Variants in GLIS1 observed in about 807,000 individuals in gnomAD.
GLIS1 encodes zinc finger protein GLIS1.
A neutral mutation model predicts 63.8 loss-of-function variants in GLIS1; 24 were observed. That is an observed-to-expected ratio of 0.38 (90% CI 0.27 to 0.53). The LOEUF is 0.53. Ranked by LOEUF, GLIS1 falls within the 20% of genes least tolerant of loss-of-function variation. The pLI is 0.85. For synonymous variants in GLIS1, 450 were observed against 482.5 expected (o/e 0.93, Z 0.88); for missense variants, 1,036 against 1,074.1 (o/e 0.96, Z 0.50).
At chr1:53,720,102 G>C (rs1646738718) in intron 2 of GLIS1, among the ~76,000 whole-genome samples, 1 of 152,214 alleles carries the variant, frequency 6.6e-6, no homozygotes, top group Non-Finnish European at 1.5e-5. Context: ...CTTGAATCCA[G>C]GAACCAGAGG....
At chr1:53,735,555 T>G (rs1646904384) in intron 2 of GLIS1, among the ~76,000 whole-genome samples, 1 of 152,218 alleles carries the variant, frequency 6.6e-6, no homozygotes, top group African/African-American at 2.4e-5. Context: ...GAATTAAGTC[T>G]CAGGGTAAAT....
intron 2 of GLIS1, among the ~76,000 whole-genome samples, chr1:53,695,317 G>C (rs1292803828): frequency 6.6e-6 from 1 of 152,252 alleles, no homozygotes; most frequent in African/African-American, 2.4e-5. Flanking sequence ...AGTCTAAGGG[G>C]AGGATGTGTA....
At chr1:53,700,543 G>A (rs1029315809) in intron 2 of GLIS1, among the ~76,000 whole-genome samples, 6 of 152,230 alleles carry the variant, frequency 3.9e-5, no homozygotes, top group African/African-American at 1.4e-4. Flanking sequence ...CATGGAGCAT[G>A]CGTGAGGGTG....
chr1:53,573,701 C>T (rs1310590815), intron 4 of GLIS1, among the ~76,000 whole-genome samples: 6 of 152,208 alleles, frequency 3.9e-5, no homozygotes, highest in African/African-American at 9.7e-5. Flanking sequence ...GTGAGGAGCA[C>T]GCAGATGCAT....
In GLIS1 at chr1:53,737,072, T is replaced by C. The variant is rs532728497; in HGVS notation, c.259+734A>G. On this transcript the variant is annotated intron_variant, in intron 2 of 10. Coordinates refer to ENST00000628545, the MANE Select transcript of GLIS1 (RefSeq NM_001367484.1). ...CTGTCAGCACGAAACTCATAAATAA[T>C]GACTCAATAATAATTAACTGTGATG... Among the ~76,000 whole-genome samples the C allele has an allele frequency of 7.9e-5, 12 of 152,290 alleles. No individual in the cohort carries two copies. The South Asian group carries it at 2.5e-3, about 32-fold the overall frequency.
intron 2 of GLIS1, among the ~76,000 whole-genome samples, chr1:53,604,589 T>C (rs980008745): frequency 1.3e-5 from 2 of 152,196 alleles, no homozygotes; most frequent in African/African-American, 4.8e-5. Flanking sequence ...CTTCTTGTTT[T>C]AACCACAAGC....
rs143284185 is a variant in GLIS1 at position 53,515,360 on chromosome 1, G to A, written c.1727-579C>T. ...CCCCCAGAGATATGCAAGCAGAGCCGGGGTGTCCACTGTGAAGGCTTCCAA... is the reference window on the plus strand; with the variant it reads ...CCCCCAGAGATATGCAAGCAGAGCCAGGGTGTCCACTGTGAAGGCTTCCAA... On this transcript the variant is annotated intron_variant, in intron 7 of 10. Coordinates refer to ENST00000628545, the MANE Select transcript of GLIS1 (RefSeq NM_001367484.1). Among the ~76,000 whole-genome samples, 7 of 151,952 alleles carry A rather than the reference G, an allele frequency of 4.6e-5. No individual in the cohort carries two copies. The East Asian group carries it at 5.8e-4, about 13-fold the overall frequency.
chr1:53,584,200 C>G (rs912253481), intron 4 of GLIS1, among the ~76,000 whole-genome samples: 2 of 152,224 alleles, frequency 1.3e-5, no homozygotes, highest in African/African-American at 4.8e-5. Flanking sequence ...TACAACTCTT[C>G]TGAGACTCTC....
chr1:53,719,428 T>A (rs552559202), intron 2 of GLIS1, among the ~76,000 whole-genome samples: 1 of 152,298 alleles, frequency 6.6e-6, no homozygotes, highest in South Asian at 2.1e-4. Flanking sequence ...CTCTTCCACC[T>A]CAACCCTTTC....
At chr1:53,682,322 G>T (rs899160811) in intron 2 of GLIS1, among the ~76,000 whole-genome samples, 2 of 152,276 alleles carry the variant, frequency 1.3e-5, no homozygotes, top group African/African-American at 2.4e-5. Context: ...GCATGAAGGA[G>T]TGGGGGGATG....
intron 4 of GLIS1, among the ~76,000 whole-genome samples, chr1:53,542,007 C>T (rs112016895): frequency 7.9e-5 from 12 of 152,366 alleles, no homozygotes; most frequent in African/African-American, 2.9e-4. Context: ...AGGGCCACAG[C>T]CTTGGCTCAG....
intron 4 of GLIS1, among the ~76,000 whole-genome samples, chr1:53,552,616 G>A (rs1459457469): frequency 6.6e-6 from 1 of 152,144 alleles, no homozygotes; most frequent in African/African-American, 2.4e-5. Flanking sequence ...ACATTCCCGT[G>A]GCCTAATAGA....
intron 2 of GLIS1, among the ~76,000 whole-genome samples, chr1:53,650,600 A>AG: frequency 6.6e-6 from 1 of 152,168 alleles, no homozygotes; most frequent in South Asian, 2.1e-4. Context: ...AAAAAAAAAA[A>AG]AAAAAAAGAC....
chr1:53,714,477 T>C (rs1646677696), intron 2 of GLIS1, among the ~76,000 whole-genome samples: 1 of 152,214 alleles, frequency 6.6e-6, no homozygotes, highest in Non-Finnish European at 1.5e-5. Flanking sequence ...TCAACCCCAT[T>C]TCACAGAAGA....
chr1:53,540,042 TGA>T (rs1357059652), intron 4 of GLIS1, among the ~76,000 whole-genome samples: 1 of 152,202 alleles, frequency 6.6e-6, no homozygotes, highest in African/African-American at 2.4e-5. Flanking sequence ...GGCTCAAGCC[TGA>T]GGCCTTCCCA....
chr1:53,727,355 G>A (rs1027946118), intron 2 of GLIS1, among the ~76,000 whole-genome samples: 3 of 151,070 alleles, frequency 2.0e-5, no homozygotes, highest in Admixed American at 6.6e-5. Flanking sequence ...GATCTTGGGT[G>A]TGGACACCAA....
chr1:53,514,699 G>A lies in GLIS1; in HGVS notation c.1809C>T (p.His603=), dbSNP rs138049071. Reference sequence around the variant, plus strand: ...AACTGGTGGTGGCATCCAGCGGGTGGTGCCTGGAAGGTACGTCGTGCGCTG... The same window carrying A: ...AACTGGTGGTGGCATCCAGCGGGTGATGCCTGGAAGGTACGTCGTGCGCTG... ...LPPAHDVPSR[H]HPLDATTSSH... Residue 603 remains histidine, a synonymous_variant, in exon 8 of 11, where the codon CAC becomes CAT. Transcript: ENST00000628545. 2.3e-5 allele frequency: 37 copies of A among 1,613,892 alleles called. 1 individual carries two copies. In the South Asian group the frequency reaches 3.3e-4, roughly 14 times the overall value.
rs991412684 is a variant in GLIS1, at chr1:53,598,593, C to A, written c.437+1508G>T. Among the ~76,000 whole-genome samples the A allele has an allele frequency of 2.0e-5, 3 of 152,010 alleles. No homozygotes were observed. The highest frequency in any genetic ancestry group is 2.9e-5 in the Non-Finnish European group (2 of 68,010). On this transcript the variant is annotated intron_variant, in intron 3 of 10. Coordinates refer to ENST00000628545, the MANE Select transcript of GLIS1 (RefSeq NM_001367484.1). The surrounding 1 kb of genome is among the most constrained non-coding windows in gnomAD (Gnocchi z 4.6). ...GAGGGATGGCCACGTGAGTACTCAG[C>A]GACAAGGCGGTCATCTGCGAGCTAA...
At chr1:53,687,729 C>T (rs1416721896) in intron 2 of GLIS1, among the ~76,000 whole-genome samples, 1 of 152,220 alleles carries the variant, frequency 6.6e-6, no homozygotes, top group Non-Finnish European at 1.5e-5. Flanking sequence ...AAGGGACGGA[C>T]AGTGGGCAGG....
Sources: allele counts gnomAD v4.1 joint callset (sites outside exome capture counted in the v4.1 genomes callset), GRCh38; gene constraint gnomAD v4.1.1; non-coding constraint Gnocchi (gnomAD v3.1); transcripts MANE v1.5; gene names NCBI Gene and HGNC (gene_info 2026-07-23, HGNC 2026-07-21).